The following SUSD1 variants were observed in gnomAD, a reference collection of about 807,000 sequenced individuals.
The protein encoded by SUSD1 is sushi domain-containing protein 1.
A neutral mutation model predicts 86.9 loss-of-function variants in SUSD1; 65 were observed. The observed-to-expected ratio is 0.75, with a 90% CI of 0.61 to 0.92. The LOEUF (loss-of-function observed/expected upper bound fraction) is 0.92. Ranked by LOEUF, SUSD1 falls within the 40% of genes least tolerant of loss-of-function variation. The probability of loss-of-function intolerance (pLI) is 0.00; values close to 1 mark genes in which losing one functional copy is unlikely to be tolerated. For synonymous variants in SUSD1, 346 were observed against 350.0 expected (o/e 0.99, Z 0.13); for missense variants, 850 against 929.7 (o/e 0.91, Z 1.11).
intron 5 of SUSD1, among the ~76,000 whole-genome samples, chr9:112,138,281 G>GTGTATATACACATAT: frequency 2.1e-5 from 1 of 47,244 alleles, no homozygotes; most frequent in South Asian, 5.8e-4. Context: ...ATATATATAT[G>GTGTATATACACATAT]AAGTCCAGGA....
chr9:112,057,637 T>C (rs1828509646), intron 14 of SUSD1, among the ~76,000 whole-genome samples: 1 of 152,262 alleles, frequency 6.6e-6, no homozygotes, highest in Non-Finnish European at 1.5e-5. Context: ...AGCATGTTCA[T>C]GACACATTAC....
At chr9:112,047,245 G>A (rs888410153) in intron 15 of SUSD1, among the ~76,000 whole-genome samples, 7 of 152,212 alleles carry the variant, frequency 4.6e-5, no homozygotes, top group South Asian at 2.1e-4. Flanking sequence ...TGCTACACAC[G>A]TTCAAACAAC....
At chr9:112,093,648 C>T (rs553948830) in intron 10 of SUSD1, among the ~76,000 whole-genome samples, 1 of 152,302 alleles carries the variant, frequency 6.6e-6, no homozygotes, top group South Asian at 2.1e-4. Flanking sequence ...TGTCATTTAT[C>T]TATCTGTTTG....
intron 15 of SUSD1, among the ~76,000 whole-genome samples, chr9:112,048,350 A>G (rs985565164): frequency 5.3e-5 from 8 of 152,178 alleles, no homozygotes; most frequent in African/African-American, 1.9e-4. Context: ...CATCACAACT[A>G]TAAAGGTTTA....
intron 6 of SUSD1, 103 bp downstream of exon 6, chr9:112,124,154 G>T: frequency 8.7e-7 from 1 of 1,152,258 alleles, no homozygotes; most frequent in Non-Finnish European, 1.2e-6. Context: ...AGCCGAGCTG[G>T]GTACAGTATG....
chr9:112,056,180 T>C (rs1336278947), intron 14 of SUSD1, among the ~76,000 whole-genome samples: 1 of 152,066 alleles, frequency 6.6e-6, no homozygotes, highest in African/African-American at 2.4e-5. Flanking sequence ...AGCACCAGTA[T>C]TGTTTGAGCC....
At chr9:112,097,774 T>C (rs933912077) in intron 10 of SUSD1, among the ~76,000 whole-genome samples, 1 of 152,028 alleles carries the variant, frequency 6.6e-6, no homozygotes, top group African/African-American at 2.4e-5. Context: ...ACAGAGCGGC[T>C]TCAGGGAGGT....
At chr9:112,156,381 G>A (rs1484986857) in intron 2 of SUSD1, among the ~76,000 whole-genome samples, 1 of 151,452 alleles carries the variant, frequency 6.6e-6, no homozygotes, top group East Asian at 1.9e-4. Flanking sequence ...AGAATCACTT[G>A]AACCTCGGAG....
chr9:112,052,648 A>AG (rs1430875205), intron 14 of SUSD1, among the ~76,000 whole-genome samples: 2 of 152,318 alleles, frequency 1.3e-5, no homozygotes, highest in Admixed American at 1.3e-4. Context: ...GTGACCCTAC[A>AG]GATCACTTCT....
Position 112,106,220 on chromosome 9 carries a change from AC to A in SUSD1, c.1172-3936del, listed in dbSNP as rs1830832599. On this transcript the variant is annotated intron_variant, in intron 8 of 16. Transcript: ENST00000374270. ...GACCCTGGCCTCAGGTGATCCGCCC[AC>A]CTAAGCCTCCCAAAGTGCAGGGATT... 2.0e-5 allele frequency among the ~76,000 whole-genome samples: 3 copies of A among 151,992 alleles called. No homozygotes were observed. The South Asian group carries it at 6.2e-4, about 32-fold the overall frequency.
chr9:112,138,982 G>A (rs1482246407), intron 5 of SUSD1, among the ~76,000 whole-genome samples: 3 of 152,148 alleles, frequency 2.0e-5, no homozygotes, highest in Admixed American at 1.3e-4. Context: ...TGAAGTAAAT[G>A]ATTTTCTAGA....
chr9:112,044,954 G>A (rs56007260), intron 15 of SUSD1, among the ~76,000 whole-genome samples: 12,051 of 152,154 alleles, frequency 0.079, 813 homozygotes, highest in East Asian at 0.29. Context: ...CCTCAATAGC[G>A]AAATGAGAAA....
chr9:112,143,479 G>A lies in SUSD1; in HGVS notation c.518C>T (p.Ser173Leu). ...TTTTGGCAGAAACCCACCTGTGCAT[G>A]ATGTGGCATCGGTGGTCGGGTGGAA... The part of the protein sequence containing the change: ...EPFHPTTDAT[S>L]CTEIDCGTPP... The change falls in exon 4 of 17, where the codon TCA becomes TTA. Residue 173 changes from serine to leucine, a missense_variant. By Grantham distance (145) the Ser-to-Leu change is moderately radical. Transcript: ENST00000374270. 6.2e-7 allele frequency: 1 copy of A among 1,613,250 alleles called. No individual in the cohort carries two copies. The highest frequency in any genetic ancestry group is 8.5e-7 in the Non-Finnish European group (1 of 1,179,722).
intron 1 of SUSD1, among the ~76,000 whole-genome samples, chr9:112,162,552 A>C (rs1024439409): frequency 6.6e-6 from 1 of 152,254 alleles, no homozygotes; most frequent in Non-Finnish European, 1.5e-5. Context: ...CACTGAAGTC[A>C]CATATAAATG....
chr9:112,066,306 G>T (rs968724403), intron 12 of SUSD1, among the ~76,000 whole-genome samples: 5 of 152,118 alleles, frequency 3.3e-5, no homozygotes, highest in African/African-American at 1.2e-4. Flanking sequence ...TAATTAGCAA[G>T]TTCAAAGGGA....
intron 12 of SUSD1, among the ~76,000 whole-genome samples, chr9:112,071,827 T>C (rs938306266): frequency 6.6e-6 from 1 of 152,174 alleles, no homozygotes; most frequent in African/African-American, 2.4e-5. Flanking sequence ...CACAGCATGA[T>C]GGTTCTTTTC....
chr9:112,138,264 T>TACATATATATATATGTGTATATAC (rs1564329025), intron 5 of SUSD1, among the ~76,000 whole-genome samples: 1 of 61,814 alleles, frequency 1.6e-5, no homozygotes, highest in African/African-American at 5.8e-5. Context: ...TATGTGTATA[T>TACATATATATATATGTGTATATAC]ACATATATAT....
At chr9:112,100,127 C>A (rs949450552) in intron 9 of SUSD1, among the ~76,000 whole-genome samples, 1 of 152,196 alleles carries the variant, frequency 6.6e-6, no homozygotes, top group Non-Finnish European at 1.5e-5. Flanking sequence ...TAAATATTGA[C>A]TTTTTTCCAG....
intron 12 of SUSD1, among the ~76,000 whole-genome samples, chr9:112,065,771 G>C (rs1828949317): frequency 6.6e-6 from 1 of 152,176 alleles, no homozygotes; most frequent in Non-Finnish European, 1.5e-5. Flanking sequence ...AATAGGGGTA[G>C]AAACAACCTC....
Sources: gnomAD v4.1 joint callset for allele counts (sites outside exome capture counted in the v4.1 genomes callset) on GRCh38, gnomAD v4.1.1 for gene constraint, MANE v1.5 for transcripts, NCBI Gene and HGNC (gene_info 2026-07-23, HGNC 2026-07-21) for gene names.